SNRNP40: variants seen among roughly 807,000 people sequenced by gnomAD.
SNRNP40 encodes small nuclear ribonucleoprotein U5 subunit 40.
A neutral mutation model predicts 45.8 loss-of-function variants in SNRNP40; 21 were observed. That is an observed-to-expected ratio of 0.46 (90% confidence interval 0.32 to 0.66). SNRNP40 has a LOEUF of 0.66. Ranked by LOEUF, SNRNP40 falls within the 30% of genes least tolerant of loss-of-function variation. The probability of loss-of-function intolerance (pLI) is 0.03; values close to 1 mark genes in which losing one functional copy is unlikely to be tolerated. For missense variants in SNRNP40, 344 were observed against 439.1 expected (o/e 0.78, Z 1.94); for synonymous variants, 142 against 163.8 (o/e 0.87, Z 1.01).
At chr1:31,279,015 G>A (rs1010602118) in intron 5 of SNRNP40, among the ~76,000 whole-genome samples, 1 of 150,092 alleles carries the variant, frequency 6.7e-6, no homozygotes, top group Non-Finnish European at 1.5e-5. Flanking sequence ...GGTACAGAGC[G>A]ATTATGTTAA....
At chr1:31,282,082 C>T (rs1179490103) in intron 4 of SNRNP40, 1 of 152,286 alleles carries the variant, frequency 6.6e-6, no homozygotes, top group East Asian at 1.9e-4. Flanking sequence ...AGTAAAAGGG[C>T]TTTGTAGTGT....
In SNRNP40 at chr1:31,269,647, C is replaced by T. The variant is rs185419388; in HGVS notation, c.776-407G>A. ...GAACTTATAAAAGCCAAACTTACAT[C>T]GCCCTTTCCTAATTTCCCTCATATG... On this transcript the variant is annotated intron_variant, in intron 6 of 9. Coordinates refer to ENST00000263694, the MANE Select transcript of SNRNP40 (RefSeq NM_004814.3). 6.6e-5 allele frequency: 20 copies of T among 303,806 alleles called. No homozygotes were observed. The Admixed American group carries it at 8.7e-4, about 13-fold the overall frequency. 18.8% of individuals were successfully genotyped at this position (303,806 alleles called of 1,614,324 possible).
chr1:31,260,257 TCCAC>T, intron 9 of SNRNP40, 136 bp from the exon 10 acceptor site: 1 of 565,404 alleles, frequency 1.8e-6, no homozygotes, highest in East Asian at 3.0e-5. Flanking sequence ...CTAAACACCA[TCCAC>T]AGGAAATTGT....
intron 6 of SNRNP40, 123 bp from the exon 7 acceptor site, chr1:31,269,363 A>G (rs748341293): frequency 2.7e-5 from 41 of 1,500,608 alleles, no homozygotes; most frequent in Non-Finnish European, 3.6e-5. Context: ...CGGTGGGCAA[A>G]GTCCAACTTG....
At chr1:31,280,225 G>A (rs1329514294) in intron 5 of SNRNP40, among the ~76,000 whole-genome samples, 5 of 148,418 alleles carry the variant, frequency 3.4e-5, no homozygotes, top group Admixed American at 1.3e-4. Flanking sequence ...GTGCAGTGGC[G>A]TGATCTCAGC....
rs751450474 is a variant in SNRNP40 at position 31,269,135 on chromosome 1, C to T, written c.858+23G>A. 2.6e-6 allele frequency: 4 copies of T among 1,559,328 alleles called. No individual in the cohort carries two copies. The South Asian group carries it at 4.9e-5, about 19-fold the overall frequency. On this transcript the variant is annotated intron_variant, in intron 7 of 9. Coordinates refer to ENST00000263694, the MANE Select transcript of SNRNP40 (RefSeq NM_004814.3). ...TCTCTGAAGTAAATGAACAGTAAAA[C>T]TCCTCTGCCATGCAGAACTCACCTT...
intron 6 of SNRNP40, chr1:31,269,675 C>T (rs1055420622): frequency 2.0e-4 from 52 of 254,262 alleles, no homozygotes; most frequent in African/African-American, 1.0e-3. Context: ...CTCATATGGG[C>T]ACCTGATAGT....
intron 5 of SNRNP40, among the ~76,000 whole-genome samples, chr1:31,278,067 C>T (rs1464347827): frequency 6.6e-6 from 1 of 152,212 alleles, no homozygotes; most frequent in East Asian, 1.9e-4. Context: ...CCTAATTTTT[C>T]TCCTTTGTGT....
intron 1 of SNRNP40, among the ~76,000 whole-genome samples, chr1:31,295,783 T>A (rs910005364): frequency 6.6e-6 from 1 of 152,160 alleles, no homozygotes; most frequent in African/African-American, 2.4e-5. Flanking sequence ...CCAGTTAGGG[T>A]CCCACTACAA....
At position 31,296,516 on chromosome 1, in the gene SNRNP40, C is replaced by G. The variant is rs3737754; in HGVS notation, c.141+95G>C. The G allele has an allele frequency of 5.0e-3, 7,202 of 1,447,028 alleles. 467 individuals carry two copies. In the East Asian group the frequency reaches 0.14, roughly 28 times the overall value. The allele number at this position is 1,447,028 out of a possible 1,614,324, so 89.6% of individuals were successfully genotyped here. On this transcript the variant is annotated intron_variant, in intron 1 of 9. Coordinates refer to ENST00000263694, the MANE Select transcript of SNRNP40 (RefSeq NM_004814.3). ...CTGCGTAGAAACTCTCGTTCTGCCC[C>G]CGCAATGCGGGAAAGGGTCAGGGAT...
At chr1:31,261,477 C>A (rs572035286) in intron 9 of SNRNP40, 52 bp downstream of exon 9, 3 of 1,182,516 alleles carry the variant, frequency 2.5e-6, no homozygotes, top group South Asian at 2.5e-5. Flanking sequence ...TTCCCAGGAT[C>A]CCTACGGGGA....
At chr1:31,267,392 A>C (rs1389101209) in intron 8 of SNRNP40, among the ~76,000 whole-genome samples, 2 of 152,204 alleles carry the variant, frequency 1.3e-5, no homozygotes, top group African/African-American at 2.4e-5. Flanking sequence ...GGTAGAAATG[A>C]TCTGTTTGTC....
chr1:31,271,321 G>C, intron 6 of SNRNP40, 58 bp downstream of exon 6: 3 of 1,552,086 alleles, frequency 1.9e-6, no homozygotes, highest in Admixed American at 1.8e-5. Context: ...GATGGAATCT[G>C]TGAGCAATCT....
intron 1 of SNRNP40, among the ~76,000 whole-genome samples, chr1:31,294,406 A>G (rs111588344): frequency 0.025 from 3,859 of 152,220 alleles, 152 homozygotes; most frequent in African/African-American, 0.087. Flanking sequence ...GAAGTATACT[A>G]CCCATAATCC....
Position 31,268,270 on chromosome 1 carries a change from A to G in SNRNP40, c.859-338T>C, listed in dbSNP as rs1327029335. On this transcript the variant is annotated intron_variant, in intron 7 of 9. Transcript: ENST00000263694. Reference sequence around the variant, plus strand: ...GAAGAAAAATACACGCAAACCCAACAAATAATAAATTTTGGGTTTTTTTTT... The same window carrying G: ...GAAGAAAAATACACGCAAACCCAACGAATAATAAATTTTGGGTTTTTTTTT... 4.7e-5 allele frequency among the ~76,000 whole-genome samples: 7 copies of G among 148,626 alleles called. No individual in the cohort carries two copies. The South Asian group carries it at 1.3e-3, about 28-fold the overall frequency.
At chr1:31,282,613 A>ATCTATCTG (rs1553166914) in intron 4 of SNRNP40, 2 of 139,234 alleles carry the variant, frequency 1.4e-5, no homozygotes, top group East Asian at 4.1e-4. Context: ...CTATCTATCT[A>ATCTATCTG]TCTTTCTATC....
At position 31,293,352 on chromosome 1, in the gene SNRNP40, A is replaced by T. The variant is rs1455529370; in HGVS notation, c.142-4T>A. 3.0e-5 allele frequency: 48 copies of T among 1,602,628 alleles called. No individual in the cohort carries two copies. Among genetic ancestry groups the T allele is most frequent in the Admixed American group, 5.3e-5 (3 of 56,862 alleles). ...GGGAGGAACATCTTGGAGGTCCCTA[A>T]ACAAAAGAGAAGCACAAGGTAACTA... On this transcript the variant is annotated splice_region_variant and splice_polypyrimidine_tract_variant and intron_variant, in intron 1 of 9. Coordinates refer to ENST00000263694, the MANE Select transcript of SNRNP40 (RefSeq NM_004814.3).
intron 5 of SNRNP40, among the ~76,000 whole-genome samples, chr1:31,279,151 A>G (rs1367242159): frequency 6.6e-6 from 1 of 152,198 alleles, no homozygotes; most frequent in East Asian, 1.9e-4. Context: ...CTAAGTATTA[A>G]GAGTATAATT....
rs373342461 is a variant in SNRNP40 at position 31,260,044 on chromosome 1, C to T, written c.*28G>A. On this transcript the variant is annotated 3_prime_UTR_variant, in exon 10 of 10. Transcript: ENST00000263694. ...TGCAGTCTGAGGTCTCAAAGACAAG[C>T]GGCCTTGGAGTCTTCCAGTCCATAT... 1.5e-5 allele frequency: 23 copies of T among 1,567,742 alleles called. No individual in the cohort carries two copies. The highest frequency in any genetic ancestry group is 4.1e-5 in the African/African-American group (3 of 73,918).
Sources: allele counts gnomAD v4.1 joint callset (sites outside exome capture counted in the v4.1 genomes callset), GRCh38; gene constraint gnomAD v4.1.1; transcripts MANE v1.5; gene names NCBI Gene and HGNC (gene_info 2026-07-23, HGNC 2026-07-21).